The following OPN3 variants were observed in gnomAD, a reference collection of about 807,000 sequenced individuals.
OPN3 encodes the protein opsin 3.
A neutral mutation model predicts 33.8 loss-of-function variants in OPN3; 29 were observed. The observed-to-expected ratio is 0.86, with a 90% CI of 0.64 to 1.17. The LOEUF (loss-of-function observed/expected upper bound fraction) is 1.17. OPN3 is among the 50% of genes most tolerant of loss of function. The probability of loss-of-function intolerance (pLI) is 0.00; values close to 1 mark genes in which losing one functional copy is unlikely to be tolerated. For missense variants in OPN3, 437 were observed against 514.1 expected, an observed-to-expected ratio of 0.85 and a Z score of 1.45; for synonymous variants, 216 against 216.1, an observed-to-expected ratio of 1.00 and a Z score of 0.00.
At chr1:241,611,396 C>G (rs1441563080) in intron 1 of OPN3, among the ~76,000 whole-genome samples, 1 of 151,194 alleles carries the variant, frequency 6.6e-6, no homozygotes, top group African/African-American at 2.4e-5. Flanking sequence ...GAAACTCTGC[C>G]TATAGTGGGA....
chr1:241,629,009 C>T (rs565778765), intron 1 of OPN3: 1 of 152,686 alleles, frequency 6.5e-6, no homozygotes, highest in African/African-American at 2.4e-5. Context: ...TCAGTAAACA[C>T]AATTTATGTT....
intron 1 of OPN3, chr1:241,634,929 T>C (rs1558447850): frequency 6.2e-7 from 1 of 1,612,870 alleles, no homozygotes. Context: ...ACATCTGCTC[T>C]GGAACAAGGA....
At chr1:241,618,668 C>T (rs1192094524) in intron 1 of OPN3, among the ~76,000 whole-genome samples, 1 of 152,114 alleles carries the variant, frequency 6.6e-6, no homozygotes, top group Non-Finnish European at 1.5e-5. Flanking sequence ...TGACCTCCAT[C>T]GTTTTCAGCA....
chr1:241,601,737 A>G (rs923412289), intron 2 of OPN3, among the ~76,000 whole-genome samples: 1 of 152,054 alleles, frequency 6.6e-6, no homozygotes, highest in African/African-American at 2.4e-5. Context: ...ACAAACAAAC[A>G]AACAGAAACA....
At chr1:241,596,136 C>G (rs116429002) in intron 3 of OPN3, among the ~76,000 whole-genome samples, 2,228 of 152,286 alleles carry the variant, frequency 0.015, 15 homozygotes, top group Non-Finnish European at 0.022. Context: ...CATTAAAGTT[C>G]TAGAAGCACT....
chr1:241,602,794 T>C (rs988726551), intron 2 of OPN3, among the ~76,000 whole-genome samples: 4 of 152,080 alleles, frequency 2.6e-5, no homozygotes, highest in Non-Finnish European at 4.4e-5. Flanking sequence ...CATCCCCAAA[T>C]ACTGTCACAT....
chr1:241,622,494 C>T (rs142570337), intron 1 of OPN3, among the ~76,000 whole-genome samples: 1 of 152,110 alleles, frequency 6.6e-6, no homozygotes. Flanking sequence ...CATGACAACC[C>T]ACCACCCACC....
chr1:241,608,454 T>TA (rs917105495), intron 1 of OPN3, among the ~76,000 whole-genome samples: 6 of 151,728 alleles, frequency 4.0e-5, no homozygotes, highest in South Asian at 2.1e-4. Context: ...AGAGAGACAA[T>TA]AAAAAAACAA....
At chr1:241,604,843 C>G (rs533538087) in intron 1 of OPN3, among the ~76,000 whole-genome samples, 7 of 151,990 alleles carry the variant, frequency 4.6e-5, no homozygotes, top group African/African-American at 1.4e-4. Flanking sequence ...ATTGCTTGAG[C>G]CTAGGAGTTC....
At chr1:241,637,663 G>T (rs781741193) in intron 1 of OPN3, among the ~76,000 whole-genome samples, 9 of 152,024 alleles carry the variant, frequency 5.9e-5, no homozygotes, top group Admixed American at 1.3e-4. Context: ...ATATCAAAGG[G>T]GTCATCAAAA....
chr1:241,621,054 T>C (rs1002455330), intron 1 of OPN3, among the ~76,000 whole-genome samples: 2 of 152,160 alleles, frequency 1.3e-5, no homozygotes, highest in Non-Finnish European at 2.9e-5. Flanking sequence ...TGGTGACCTC[T>C]GGGGAAAGGA....
At chr1:241,618,010 AAT>A (rs1455316741) in intron 1 of OPN3, among the ~76,000 whole-genome samples, 6 of 144,006 alleles carry the variant, frequency 4.2e-5, no homozygotes, top group Non-Finnish European at 1.6e-5. Context: ...AACTAAAAAA[AAT>A]AAATAAATAA....
intron 1 of OPN3, chr1:241,634,835 G>A (rs1558447807): frequency 1.9e-6 from 3 of 1,612,642 alleles, no homozygotes; most frequent in African/African-American, 1.3e-5. Flanking sequence ...GTATTCATCA[G>A]GATGTTGTTC....
In OPN3 at chr1:241,640,334, T is replaced by C. The variant is rs7513575; in HGVS notation, c.-80A>G. 731,790 of 1,074,706 alleles carry C rather than the reference T, an allele frequency of 0.68. 250,980 individuals carry two copies. Among genetic ancestry groups the C allele is most frequent in the African/African-American group, 0.88 (51,943 of 58,928 alleles). 66.6% of individuals were successfully genotyped at this position (1,074,706 alleles called of 1,614,324 possible). On this transcript the variant is annotated 5_prime_UTR_variant, in exon 1 of 4. Transcript: ENST00000366554. Reference sequence around the variant, plus strand: ...GCGGCGCGCTCCGCACTGGGTGGGGTTGGGGCTCCGCCGCCTGCTCTAGCC... The same window carrying C: ...GCGGCGCGCTCCGCACTGGGTGGGGCTGGGGCTCCGCCGCCTGCTCTAGCC...
chr1:241,636,333 TAATAC>T (rs145298298), intron 1 of OPN3, among the ~76,000 whole-genome samples: 128 of 152,300 alleles, frequency 8.4e-4, no homozygotes, highest in Non-Finnish European at 1.4e-3. Context: ...AGAAATAACA[TAATAC>T]AATTCTCTAA....
chr1:241,611,769 A>T (rs533919532), intron 1 of OPN3, among the ~76,000 whole-genome samples: 54 of 152,314 alleles, frequency 3.5e-4, no homozygotes, highest in African/African-American at 1.2e-3. Context: ...GTTCACTTCC[A>T]TTACAATACA....
At chr1:241,605,042 C>G (rs893468172) in intron 1 of OPN3, among the ~76,000 whole-genome samples, 10 of 140,656 alleles carry the variant, frequency 7.1e-5, no homozygotes, top group Non-Finnish European at 1.2e-4. Context: ...GGCAACAGAG[C>G]CAGACCTTAT....
At chr1:241,600,343 A>G (rs1012271698) in intron 2 of OPN3, 4 of 147,122 alleles carry the variant, frequency 2.7e-5, no homozygotes, top group Non-Finnish European at 6.2e-5. Context: ...TGCTCATTAA[A>G]TATTTTCCAA....
intron 1 of OPN3, among the ~76,000 whole-genome samples, chr1:241,606,458 T>C (rs899888616): frequency 1.3e-4 from 20 of 151,680 alleles, no homozygotes; most frequent in Middle Eastern, 3.2e-3. Context: ...GGCAGGAAAA[T>C]TGTATGAACC....
Sources: allele counts gnomAD v4.1 joint callset (sites outside exome capture counted in the v4.1 genomes callset), GRCh38; gene constraint gnomAD v4.1.1; transcripts MANE v1.5; gene names NCBI Gene and HGNC (gene_info 2026-07-23, HGNC 2026-07-21).